Variants in TMEM145 observed in about 807,000 individuals in gnomAD.
TMEM145 encodes the protein transmembrane protein 145.
In TMEM145, 46 loss-of-function variants were observed where a neutral mutation model predicts 68.5. The ratio of observed to expected loss-of-function variants is 0.67; its 90% CI spans 0.53 to 0.86. The LOEUF is 0.86. Ranked by LOEUF, TMEM145 falls within the 40% of genes least tolerant of loss-of-function variation. The pLI, the probability that TMEM145 is intolerant of heterozygous loss-of-function variation, is 0.00. For missense variants in TMEM145, 570 were observed against 645.8 expected (o/e 0.88, Z 1.27); for synonymous variants, 255 against 280.2 (o/e 0.91, Z 0.90).
At chr19:42,321,403 T>TG in intron 13 of TMEM145, 1 of 339,566 alleles carries the variant, frequency 2.9e-6, no homozygotes, top group Non-Finnish European at 5.2e-6. Flanking sequence ...TTTTTTTTTT[T>TG]TTTTGAGACG....
chr19:42,321,364 C>T (rs1361190618), intron 13 of TMEM145: 12 of 379,308 alleles, frequency 3.2e-5, no homozygotes, highest in South Asian at 1.5e-4. Flanking sequence ...TACAGGAGCA[C>T]GCCACCATGC....
chr19:42,316,984 G>A (rs1368824369), intron 11 of TMEM145, 21 bp downstream of exon 11: 1 of 1,604,738 alleles, frequency 6.2e-7, no homozygotes, highest in Non-Finnish European at 8.5e-7. Context: ...CTGGCCCCTG[G>A]CCGGGCCCTG....
intron 13 of TMEM145, among the ~76,000 whole-genome samples, chr19:42,323,136 T>C (rs1002359302): frequency 6.6e-6 from 1 of 152,238 alleles, no homozygotes; most frequent in African/African-American, 2.4e-5. Flanking sequence ...CCAATTGAAC[T>C]TTCTGTATTT....
intron 12 of TMEM145, among the ~76,000 whole-genome samples, chr19:42,318,810 G>A (rs547917713): frequency 1.3e-5 from 2 of 151,568 alleles, no homozygotes; most frequent in African/African-American, 2.4e-5. Context: ...GACTGGGTGC[G>A]CTGGCTCATG....
In TMEM145 at chr19:42,320,455, TG is replaced by T. The variant is rs1190986000; in HGVS notation, c.1194+24del. 7 of 1,613,174 alleles carry T rather than the reference TG, an allele frequency of 4.3e-6. No individual in the cohort carries two copies. Among genetic ancestry groups the T allele is most frequent in the Non-Finnish European group, 4.2e-6 (5 of 1,179,896 alleles). On this transcript the variant is annotated intron_variant, in intron 13 of 14. Transcript: ENST00000301204. ...TGTTTCTGGTGAGGATGGGCATCTG[TG>T]GGGGGTGGAGGGGAGGACCCGAGGG... is the stretch of plus-strand genomic sequence containing the variant.
rs1189346194 is a variant in TMEM145 at position 42,317,742 on chromosome 19, G to C, written c.934G>C (p.Glu312Gln). The C allele has an allele frequency of 6.2e-7, 1 of 1,614,200 alleles. No homozygotes were observed. The highest frequency in any genetic ancestry group is 2.2e-5 in the East Asian group (1 of 44,874). Residue 312 changes from glutamate to glutamine, a missense_variant, in exon 12 of 15, where the codon GAG becomes CAG. Physicochemically the swap from Glu to Gln is conservative, Grantham distance 29. Transcript: ENST00000301204. ...FDPGQVLYTY[E>Q]SPAGYGLIGL... ...CCCAGGCCAGGTACTGTACACGTATGAGTCGCCGGCCGGCTACGGGCTCAT... is the reference window on the plus strand; with the variant it reads ...CCCAGGCCAGGTACTGTACACGTATCAGTCGCCGGCCGGCTACGGGCTCAT...
chr19:42,321,300 C>T (rs2038909191), intron 13 of TMEM145: 1 of 392,632 alleles, frequency 2.5e-6, no homozygotes, highest in Admixed American at 4.5e-5. Context: ...TCTTGGCTCA[C>T]TGCAACCTCC....
At position 42,323,571 on chromosome 19, in the gene TMEM145, C is replaced by A. The variant is rs2147426226; in HGVS notation, c.1195-12C>A. The stretch of plus-strand genomic sequence containing the variant: ...CAGTGCCTCTCACACCTGCTCCTGG[C>A]CCTGGCCTCAGATCATGACCCGCCC... On this transcript the variant is annotated splice_polypyrimidine_tract_variant and intron_variant, in intron 13 of 14. Coordinates refer to ENST00000301204, the MANE Select transcript of TMEM145 (RefSeq NM_173633.3). 6.2e-7 allele frequency: 1 copy of A among 1,613,266 alleles called. No individual in the cohort carries two copies. Among genetic ancestry groups the A allele is most frequent in the East Asian group, 2.2e-5 (1 of 44,882 alleles).
chr19:42,315,628 G>A (rs1488287895), intron 8 of TMEM145, among the ~76,000 whole-genome samples, 188 bp downstream of exon 8: 1 of 150,894 alleles, frequency 6.6e-6, no homozygotes, highest in African/African-American at 2.4e-5. Flanking sequence ...TGGGGGAGAA[G>A]GGGCTGGAGC....
At chr19:42,324,310 G>T (rs1197933605) in intron 14 of TMEM145, 2 of 985,104 alleles carry the variant, frequency 2.0e-6, no homozygotes, top group African/African-American at 3.5e-5. Flanking sequence ...CAGCGGTGGC[G>T]GCGGCGGTGG....
chr19:42,316,851 C>T lies in TMEM145; in HGVS notation c.807-19C>T. ...TGACGGCCCCCACCCTGCTGTCTCCCCTCATGGCCTGCTGCCAGGGGCCGC... is the reference window on the plus strand; with the variant it reads ...TGACGGCCCCCACCCTGCTGTCTCCTCTCATGGCCTGCTGCCAGGGGCCGC... On this transcript the variant is annotated intron_variant, in intron 10 of 14. Coordinates refer to ENST00000301204, the MANE Select transcript of TMEM145 (RefSeq NM_173633.3). 6.2e-7 allele frequency: 1 copy of T among 1,612,680 alleles called. No homozygotes were observed.
chr19:42,323,333 C>A (rs1017322042), intron 13 of TMEM145, among the ~76,000 whole-genome samples: 1 of 152,184 alleles, frequency 6.6e-6, no homozygotes, highest in Non-Finnish European at 1.5e-5. Flanking sequence ...AGGACGCTGA[C>A]CCTAAGCAAT....
chr19:42,324,680 C>A, intron 14 of TMEM145, 57 bp from the exon 15 acceptor site: 2 of 811,738 alleles, frequency 2.5e-6, no homozygotes, highest in South Asian at 4.1e-5. Context: ...GTCCCGCCCC[C>A]CTCCCCTCTG....
At chr19:42,322,125 C>T (rs2038917380) in intron 13 of TMEM145, among the ~76,000 whole-genome samples, 1 of 152,010 alleles carries the variant, frequency 6.6e-6, no homozygotes, top group Non-Finnish European at 1.5e-5. Context: ...GGCCCAGCCA[C>T]CGAGGGAGGG....
chr19:42,316,359 G>C, intron 8 of TMEM145, 122 bp from the exon 9 acceptor site: 4 of 915,412 alleles, frequency 4.4e-6, no homozygotes, highest in Non-Finnish European at 7.1e-6. Flanking sequence ...GTGAGTCGGG[G>C]TAGAAGGTCT....
chr19:42,321,521 C>T (rs1276782342), intron 13 of TMEM145: 1 of 180,266 alleles, frequency 5.5e-6, no homozygotes, highest in Non-Finnish European at 1.1e-5. Flanking sequence ...TCCCTAGTAG[C>T]TGGGACTACA....
Position 42,314,961 on chromosome 19 carries a change from G to A in TMEM145, c.421-32G>A, listed in dbSNP as rs145081835. 3,231 of 1,613,748 alleles carry A rather than the reference G, an allele frequency of 2.0e-3. 8 individuals carry two copies. The highest frequency in any genetic ancestry group is 3.3e-3 in the Middle Eastern group (20 of 6,060). ...TTCCTGCCAACCCCCAACTTGCCCAGGGCCCCCCTTAGGCCTCCCTACCCC... is the reference window on the plus strand; with the variant it reads ...TTCCTGCCAACCCCCAACTTGCCCAAGGCCCCCCTTAGGCCTCCCTACCCC... On this transcript the variant is annotated intron_variant, in intron 5 of 14. Transcript: ENST00000301204.
In TMEM145 at chr19:42,315,410, A is replaced by G; in HGVS notation, c.616A>G (p.Lys206Glu). ...KGRQLLHTTY[K>E]MFMAAAGVEV... is the part of the protein sequence containing the mutation. The stretch of plus-strand genomic sequence containing the variant: ...TCGTCAGTTGCTCCACACAACTTAT[A>G]AAATGTTCATGGCCGCAGCAGGAGT... The change falls in exon 8 of 15, where the codon AAA (lysine) becomes GAA (glutamate). Residue 206 changes from lysine (K) to glutamate (E), a missense_variant. Lys to Glu is a moderately conservative substitution (Grantham distance 56, BLOSUM62 1). Transcript: ENST00000301204. 6.2e-7 allele frequency: 1 copy of G among 1,614,166 alleles called. No homozygotes were observed. The highest frequency in any genetic ancestry group is 8.5e-7 in the Non-Finnish European group (1 of 1,180,018).
Position 42,314,317 on chromosome 19 carries a change from C to T in TMEM145, c.166C>T (p.Arg56Ter). The T allele has an allele frequency of 1.2e-6, 2 of 1,614,016 alleles. No homozygotes were observed. The highest frequency in any genetic ancestry group is 1.7e-6 in the Non-Finnish European group (2 of 1,180,002). The change falls in exon 2 of 15, where the codon CGA becomes TGA. Residue 56 changes from arginine to a stop codon, truncating the protein, a stop_gained. Transcript: ENST00000301204. LOFTEE classifies it high-confidence loss of function. ...ATTTTGTTTCCTCTCGGATTACGGC[C>T]GACTGGACTTCCGTTTCCGCTACCC... is the stretch of plus-strand genomic sequence containing the variant. ...TRFCFLSDYG[R>*]LDFRFRYPEA...
Sources: allele counts gnomAD v4.1 joint callset (sites outside exome capture counted in the v4.1 genomes callset), GRCh38; gene constraint gnomAD v4.1.1; transcripts MANE v1.5; gene names NCBI Gene and HGNC (gene_info 2026-07-23, HGNC 2026-07-21).